The following NKAIN2 variants were observed in gnomAD, a reference collection of about 807,000 sequenced individuals.
NKAIN2 encodes sodium/potassium-transporting ATPase subunit beta-1-interacting protein 2.
NKAIN2 carries 14 observed loss-of-function variants against 32.6 expected under a neutral mutation model. The ratio of observed to expected loss-of-function variants is 0.43; its 90% CI spans 0.28 to 0.67. NKAIN2 has a LOEUF of 0.67. NKAIN2 is among the 30% of genes least tolerant of loss of function. The pLI, the probability that NKAIN2 is intolerant of heterozygous loss-of-function variation, is 0.17. For synonymous variants in NKAIN2, 80 were observed against 87.2 expected (o/e 0.92, Z 0.46); for missense variants, 198 against 258.3 (o/e 0.77, Z 1.60).
intron 3 of NKAIN2, among the ~76,000 whole-genome samples, chr6:124,536,979 C>T (rs1174349711): frequency 6.6e-6 from 1 of 152,152 alleles, no homozygotes; most frequent in Non-Finnish European, 1.5e-5. Context: ...CTAGCTTTAA[C>T]AACATGGATA....
Position 124,789,701 on chromosome 6 carries a change from T to A in NKAIN2, c.475-1638T>A, listed in dbSNP as rs143601650. On this transcript the variant is annotated intron_variant, in intron 4 of 6. Transcript: ENST00000368417. ...GGAGACATTGGTTTTTAATTAGTAC[T>A]CGGAACTCTAAAAATAAGTCCCAAA... 7.4e-4 allele frequency among the ~76,000 whole-genome samples: 113 copies of A among 152,106 alleles called. 1 individual carries two copies. The East Asian group carries it at 0.015, about 20-fold the overall frequency.
rs1583163714 is a variant in NKAIN2, at chr6:124,383,316, C to T, written c.273+27969C>T. Among the ~76,000 whole-genome samples the T allele has an allele frequency of 2.0e-5, 3 of 152,240 alleles. No homozygotes were observed. In the Middle Eastern group the frequency reaches 0.01, roughly 518 times the overall value. On this transcript the variant is annotated intron_variant, in intron 3 of 6. Transcript: ENST00000368417. ...TCCCAGAGTTTGACTCTCTCCAATC[C>T]ATTTTTTTGACACTGGAAACAGGGT...
intron 1 of NKAIN2, among the ~76,000 whole-genome samples, chr6:123,955,589 T>TA (rs1361323795): frequency 4.1e-5 from 6 of 147,998 alleles, no homozygotes; most frequent in African/African-American, 7.4e-5. Context: ...CATTTAAACA[T>TA]TTTTTATTTT....
At chr6:124,759,659 C>A (rs1383021462) in intron 4 of NKAIN2, among the ~76,000 whole-genome samples, 41 of 107,568 alleles carry the variant, frequency 3.8e-4, no homozygotes, top group East Asian at 1.4e-3. Context: ...ACACACACCC[C>A]CTATCTCCCT....
At chr6:123,905,399 G>A (rs1336075819) in intron 1 of NKAIN2, among the ~76,000 whole-genome samples, 1 of 152,086 alleles carries the variant, frequency 6.6e-6, no homozygotes, top group Non-Finnish European at 1.5e-5. Flanking sequence ...CCTGAACTTT[G>A]CTCGGAAGAG....
intron 3 of NKAIN2, among the ~76,000 whole-genome samples, chr6:124,375,962 C>G (rs1342351505): frequency 6.6e-6 from 1 of 152,036 alleles, no homozygotes; most frequent in Non-Finnish European, 1.5e-5. Context: ...CTGAGGGTGC[C>G]TGCACATAGT....
At chr6:124,297,895 A>G (rs1300680647) in intron 2 of NKAIN2, among the ~76,000 whole-genome samples, 2 of 152,154 alleles carry the variant, frequency 1.3e-5, no homozygotes, top group East Asian at 1.9e-4. Flanking sequence ...ACCTGACTCT[A>G]TCAATGAAAT....
At chr6:124,156,932 G>A (rs546297848) in intron 1 of NKAIN2, among the ~76,000 whole-genome samples, 4 of 151,436 alleles carry the variant, frequency 2.6e-5, no homozygotes, top group East Asian at 2.0e-4. Flanking sequence ...GTAAAACCCC[G>A]TCTTTACTAA....
intron 3 of NKAIN2, among the ~76,000 whole-genome samples, chr6:124,590,167 A>G (rs1242177898): frequency 1.3e-5 from 2 of 152,182 alleles, no homozygotes; most frequent in East Asian, 3.9e-4. Context: ...ATGCTGAATA[A>G]TGGCAGTAAG....
intron 1 of NKAIN2, among the ~76,000 whole-genome samples, chr6:124,019,464 A>G (rs936589955): frequency 6.6e-6 from 1 of 152,166 alleles, no homozygotes; most frequent in Non-Finnish European, 1.5e-5. Flanking sequence ...TACAAAATTT[A>G]CTTGCTTTAA....
At chr6:124,128,770 A>G (rs1786308895) in intron 1 of NKAIN2, among the ~76,000 whole-genome samples, 1 of 152,154 alleles carries the variant, frequency 6.6e-6, no homozygotes, top group African/African-American at 2.4e-5. Flanking sequence ...ATGTTCATTT[A>G]TCTATAAAAT....
intron 1 of NKAIN2, among the ~76,000 whole-genome samples, chr6:123,866,841 C>T (rs1772546769): frequency 6.6e-6 from 1 of 152,188 alleles, no homozygotes; most frequent in African/African-American, 2.4e-5. Flanking sequence ...CTTATTTGCT[C>T]TCCCTCTCTG....
intron 1 of NKAIN2, among the ~76,000 whole-genome samples, chr6:123,907,863 A>G (rs975782595): frequency 5.3e-5 from 8 of 152,104 alleles, no homozygotes; most frequent in African/African-American, 1.4e-4. Flanking sequence ...ACACAGCTAC[A>G]TATGTTTGTG....
intron 4 of NKAIN2, among the ~76,000 whole-genome samples, chr6:124,678,098 C>A (rs565663455): frequency 3.9e-5 from 6 of 152,130 alleles, no homozygotes; most frequent in East Asian, 1.9e-4. Context: ...ATAGAAACTA[C>A]CTTGTATGTG....
At chr6:124,096,773 G>T (rs1467499367) in intron 1 of NKAIN2, among the ~76,000 whole-genome samples, 1 of 148,588 alleles carries the variant, frequency 6.7e-6, no homozygotes, top group African/African-American at 2.5e-5. Context: ...CAGGGGAATG[G>T]CGTGAACCTG....
intron 3 of NKAIN2, among the ~76,000 whole-genome samples, chr6:124,547,913 C>T (rs1780153381): frequency 6.6e-6 from 1 of 152,120 alleles, no homozygotes; most frequent in African/African-American, 2.4e-5. Flanking sequence ...CACGTCAATA[C>T]AAGCAAATTT....
chr6:123,838,922 A>G (rs867872182), intron 1 of NKAIN2, among the ~76,000 whole-genome samples: 4 of 152,290 alleles, frequency 2.6e-5, no homozygotes, highest in Middle Eastern at 3.4e-3. Context: ...GCTGCTAGCA[A>G]TGTGTTTTCT....
intron 3 of NKAIN2, among the ~76,000 whole-genome samples, chr6:124,429,998 C>T (rs1283062393): frequency 6.6e-6 from 1 of 151,922 alleles, no homozygotes; most frequent in Non-Finnish European, 1.5e-5. Context: ...ATAAAAAAGT[C>T]AAGGGGAAAA....
At chr6:124,435,019 TAAA>T (rs1251152910) in intron 3 of NKAIN2, among the ~76,000 whole-genome samples, 1 of 152,114 alleles carries the variant, frequency 6.6e-6, no homozygotes, top group Non-Finnish European at 1.5e-5. Context: ...AGAACAGAAA[TAAA>T]AATAATTATC....
Sources: allele counts gnomAD v4.1 joint callset (sites outside exome capture counted in the v4.1 genomes callset), GRCh38; gene constraint gnomAD v4.1.1; transcripts MANE v1.5; gene names NCBI Gene and HGNC (gene_info 2026-07-23, HGNC 2026-07-21).